Variants in ADAM2 observed in about 807,000 individuals in gnomAD.
ADAM2 encodes ADAM metallopeptidase domain 2, also known as disintegrin and metalloproteinase domain-containing protein 2.
In ADAM2, 101 loss-of-function variants were observed where a neutral mutation model predicts 99.3. That is an observed-to-expected ratio of 1.02 (90% CI 0.87 to 1.20). The LOEUF (loss-of-function observed/expected upper bound fraction) is 1.20. Ranked by LOEUF, ADAM2 falls within the 50% of genes most tolerant of loss-of-function variation. The pLI is 0.00. For synonymous variants in ADAM2, 323 were observed against 287.6 expected (o/e 1.12, Z -1.25); for missense variants, 948 against 878.7 (o/e 1.08, Z -1.00).
intron 3 of ADAM2, among the ~76,000 whole-genome samples, chr8:39,832,514 G>A (rs892064361): frequency 2.0e-5 from 3 of 152,074 alleles, no homozygotes; most frequent in Non-Finnish European, 4.4e-5. Context: ...TAAAAACAAT[G>A]AAAGCTTTGA....
chr8:39,805,008 A>G (rs1159616101), intron 7 of ADAM2, among the ~76,000 whole-genome samples: 4 of 152,120 alleles, frequency 2.6e-5, no homozygotes, highest in East Asian at 3.8e-4. Context: ...ATTTCTCACA[A>G]TTCTGGAGGT....
intron 3 of ADAM2, among the ~76,000 whole-genome samples, chr8:39,829,713 C>T (rs1290140940): frequency 6.6e-6 from 1 of 151,650 alleles, no homozygotes; most frequent in African/African-American, 2.4e-5. Flanking sequence ...TTTAACATAA[C>T]CAAACTAGAC....
chr8:39,800,350 G>T (rs1408139898), intron 7 of ADAM2, among the ~76,000 whole-genome samples: 1 of 152,064 alleles, frequency 6.6e-6, no homozygotes, highest in African/African-American at 2.4e-5. Context: ...TTGAATATTG[G>T]CTCCCAATTT....
intron 12 of ADAM2, among the ~76,000 whole-genome samples, chr8:39,769,042 T>C (rs1376837798): frequency 6.6e-6 from 1 of 152,174 alleles, no homozygotes; most frequent in Non-Finnish European, 1.5e-5. Context: ...GGTATGTTAG[T>C]TATCTAGATT....
intron 11 of ADAM2, among the ~76,000 whole-genome samples, chr8:39,776,181 T>C (rs1243544498): frequency 6.6e-6 from 1 of 152,116 alleles, no homozygotes; most frequent in African/African-American, 2.4e-5. Context: ...TATCAGATCA[T>C]GTATTGATGT....
At chr8:39,780,650 A>G (rs1001331299) in intron 10 of ADAM2, among the ~76,000 whole-genome samples, 10 of 152,176 alleles carry the variant, frequency 6.6e-5, no homozygotes, top group African/African-American at 2.4e-4. Flanking sequence ...ATTCTATTTC[A>G]GTAGATTTTT....
chr8:39,765,813 T>C (rs1221849392), intron 14 of ADAM2, among the ~76,000 whole-genome samples: 1 of 152,246 alleles, frequency 6.6e-6, no homozygotes, highest in Non-Finnish European at 1.5e-5. Flanking sequence ...TGGTTAGTGA[T>C]AAGTGCTTTG....
In ADAM2 at chr8:39,766,891, A is replaced by G; in HGVS notation, c.1464T>C (p.Val488=). Residue 488 remains valine (V), a synonymous_variant, in exon 14 of 21, where the codon GTT becomes GTC. Transcript: ENST00000265708. ...GLNQWICIDG[V]CMSGDKQCTD... ...TACATTGTTTATCCCCACTCATACAAACTCCATCTATACAGATCCATTGAT... is the reference window on the plus strand; with the variant it reads ...TACATTGTTTATCCCCACTCATACAGACTCCATCTATACAGATCCATTGAT... 4 of 1,612,238 alleles carry G rather than the reference A, an allele frequency of 2.5e-6. No homozygotes were observed. Among genetic ancestry groups the G allele is most frequent in the Non-Finnish European group, 3.4e-6 (4 of 1,178,658 alleles).
chr8:39,800,527 A>G (rs932944832), intron 7 of ADAM2, among the ~76,000 whole-genome samples: 1 of 152,072 alleles, frequency 6.6e-6, no homozygotes, highest in Admixed American at 6.5e-5. Context: ...CTCATGGTGT[A>G]CTTTAACAGT....
chr8:39,815,518 T>C (rs1224819023), intron 6 of ADAM2, among the ~76,000 whole-genome samples: 1 of 152,158 alleles, frequency 6.6e-6, no homozygotes, highest in African/African-American at 2.4e-5. Flanking sequence ...AGAACTGTGA[T>C]TTCCCCATTG....
At chr8:39,809,926 A>G (rs935097917) in intron 6 of ADAM2, among the ~76,000 whole-genome samples, 1 of 152,344 alleles carries the variant, frequency 6.6e-6, no homozygotes, top group East Asian at 1.9e-4. Flanking sequence ...AAATTCACAC[A>G]TAACAATATT....
At chr8:39,795,429 G>A (rs756973616) in intron 7 of ADAM2, among the ~76,000 whole-genome samples, 11 of 152,046 alleles carry the variant, frequency 7.2e-5, no homozygotes, top group Non-Finnish European at 1.5e-4. Context: ...GCTACCTGGA[G>A]GCTTCATCTG....
chr8:39,783,323 T>A (rs949001233), intron 10 of ADAM2, among the ~76,000 whole-genome samples: 1 of 152,278 alleles, frequency 6.6e-6, no homozygotes, highest in Non-Finnish European at 1.5e-5. Flanking sequence ...TTTGATAAAA[T>A]GAAAAAATAC....
chr8:39,767,857 A>T (rs1288084303), intron 12 of ADAM2, among the ~76,000 whole-genome samples: 1 of 151,778 alleles, frequency 6.6e-6, no homozygotes. Flanking sequence ...TACTAAAGTT[A>T]GTAAAAGCAA....
chr8:39,826,652 G>A (rs1805413208), intron 3 of ADAM2, among the ~76,000 whole-genome samples: 1 of 151,834 alleles, frequency 6.6e-6, no homozygotes, highest in African/African-American at 2.4e-5. Flanking sequence ...GAACCCAGGA[G>A]GCAGAGCTTG....
chr8:39,795,348 T>A (rs1340352629), intron 7 of ADAM2, among the ~76,000 whole-genome samples: 1 of 152,118 alleles, frequency 6.6e-6, no homozygotes, highest in Non-Finnish European at 1.5e-5. Flanking sequence ...CTTTTTAGAA[T>A]TCAGGAAAAG....
intron 3 of ADAM2, among the ~76,000 whole-genome samples, chr8:39,826,837 A>AT (rs1805425949): frequency 6.6e-6 from 1 of 152,192 alleles, no homozygotes; most frequent in Non-Finnish European, 1.5e-5. Context: ...CTGGGTGATG[A>AT]TTTTTTGGAT....
chr8:39,773,853 C>A (rs1274962331), intron 11 of ADAM2, among the ~76,000 whole-genome samples: 1 of 151,672 alleles, frequency 6.6e-6, no homozygotes, highest in Admixed American at 6.6e-5. Flanking sequence ...AACTGTGATA[C>A]TAAAACCAGT....
chr8:39,752,813 C>G (rs1801997619), intron 16 of ADAM2, among the ~76,000 whole-genome samples: 1 of 152,186 alleles, frequency 6.6e-6, no homozygotes, highest in Non-Finnish European at 1.5e-5. Flanking sequence ...CCTGCACACA[C>G]TCTCTTGCCT....
Sources: allele counts gnomAD v4.1 joint callset (sites outside exome capture counted in the v4.1 genomes callset), GRCh38; gene constraint gnomAD v4.1.1; transcripts MANE v1.5; gene names NCBI Gene and HGNC (gene_info 2026-07-23, HGNC 2026-07-21).